Variants in HDX observed in about 807,000 individuals in gnomAD.
The protein encoded by HDX is highly divergent homeobox, also known as chromosome X open reading frame 43.
Under a neutral mutation model 45.2 loss-of-function variants are expected in HDX, and 19 were observed. The ratio of observed to expected loss-of-function variants is 0.42; its 90% CI spans 0.29 to 0.62. The LOEUF (loss-of-function observed/expected upper bound fraction) is 0.62, where lower values mean the gene tolerates loss of function less well. HDX is among the 20% of genes least tolerant of loss of function. The probability of loss-of-function intolerance (pLI) is 0.20; values close to 1 mark genes in which losing one functional copy is unlikely to be tolerated. For synonymous variants in HDX, 188 were observed against 172.8 expected, an observed-to-expected ratio of 1.09 and a Z score of -0.69; for missense variants, 532 against 493.9, an observed-to-expected ratio of 1.08 and a Z score of -0.73.
chrX:84,442,809 C>A (rs1228315664), intron 4 of HDX, among the ~76,000 whole-genome samples: 1 of 110,571 alleles, frequency 9.0e-6, no homozygotes, highest in Non-Finnish European at 1.9e-5. Flanking sequence ...TATAGAATTT[C>A]TAGAAAATAT....
chrX:84,458,178 T>C (rs1012809515), intron 4 of HDX, among the ~76,000 whole-genome samples: 1 of 111,508 alleles, frequency 9.0e-6, no homozygotes, highest in African/African-American at 3.3e-5. Flanking sequence ...ATCAATTTAA[T>C]AATAAGGGGT....
chrX:84,322,902 A>G (rs1362368150), intron 10 of HDX, among the ~76,000 whole-genome samples: 1 of 111,159 alleles, frequency 9.0e-6, no homozygotes, highest in Non-Finnish European at 1.9e-5. Flanking sequence ...TATTACTTGT[A>G]ATGTGGGCTT....
At chrX:84,407,837 G>C (rs2038871112) in intron 5 of HDX, among the ~76,000 whole-genome samples, 1 of 111,586 alleles carries the variant, frequency 9.0e-6, no homozygotes, top group African/African-American at 3.3e-5. Context: ...CCGCGTGTCT[G>C]TATTCTTTTG....
chrX:84,451,986 A>G (rs2040008534), intron 4 of HDX, among the ~76,000 whole-genome samples: 1 of 111,555 alleles, frequency 9.0e-6, no homozygotes, highest in African/African-American at 3.3e-5. Flanking sequence ...TTCATGAGAA[A>G]AACAACATAG....
chrX:84,452,163 C>A (rs2040011547), intron 4 of HDX, among the ~76,000 whole-genome samples: 1 of 110,811 alleles, frequency 9.0e-6, no homozygotes, highest in Non-Finnish European at 1.9e-5. Context: ...AAGTCCCATC[C>A]AGAGTAATCA....
At chrX:84,459,707 G>A (rs2040195688) in intron 4 of HDX, among the ~76,000 whole-genome samples, 1 of 110,155 alleles carries the variant, frequency 9.1e-6, no homozygotes, top group Admixed American at 9.6e-5. Context: ...CAGAAATCAA[G>A]GAAATTGAAA....
chrX:84,340,784 T>C (rs780561924), intron 7 of HDX, among the ~76,000 whole-genome samples: 2 of 111,416 alleles, frequency 1.8e-5, no homozygotes, highest in Non-Finnish European at 3.8e-5. Flanking sequence ...AAGGTTACCA[T>C]GCAGCTGTGG....
intron 10 of HDX, 93 bp from the exon 11 acceptor site, chrX:84,322,107 C>T: frequency 5.7e-6 from 3 of 522,274 alleles, no homozygotes; most frequent in Non-Finnish European, 8.6e-6. Flanking sequence ...GGTGAATTAT[C>T]CTTATGGATT....
intron 4 of HDX, among the ~76,000 whole-genome samples, chrX:84,466,728 A>T (rs1046142379): frequency 4.5e-5 from 5 of 112,043 alleles, no homozygotes; most frequent in African/African-American, 1.6e-4. Context: ...CCAGTAAGTC[A>T]AATACAGTTG....
intron 5 of HDX, among the ~76,000 whole-genome samples, chrX:84,397,815 T>C (rs1412492873): frequency 8.9e-6 from 1 of 111,881 alleles, no homozygotes; most frequent in Non-Finnish European, 1.9e-5. Context: ...CAATAAGGCA[T>C]TCAAGTGAAG....
chrX:84,472,648 AT>A (rs1179372031), intron 3 of HDX, among the ~76,000 whole-genome samples: 1 of 111,450 alleles, frequency 9.0e-6, no homozygotes, highest in East Asian at 2.8e-4. Flanking sequence ...AAGGAAAAAA[AT>A]AATTCCATAT....
chrX:84,446,672 A>T (rs1379154089), intron 4 of HDX, among the ~76,000 whole-genome samples: 1 of 112,104 alleles, frequency 8.9e-6, no homozygotes, highest in Non-Finnish European at 1.9e-5. Context: ...CTCCCATGTA[A>T]ATATTAAATA....
chrX:84,433,851 T>A (rs961428597), intron 5 of HDX, among the ~76,000 whole-genome samples: 2 of 111,708 alleles, frequency 1.8e-5, no homozygotes, highest in Admixed American at 1.9e-4. Context: ...TTGTGTATCC[T>A]TCAATTCCTT....
chrX:84,481,713 T>A (rs775592567), intron 2 of HDX, among the ~76,000 whole-genome samples: 1 of 111,192 alleles, frequency 9.0e-6, no homozygotes, highest in East Asian at 2.8e-4. Context: ...TTATTTTTTA[T>A]CTTTACTTTT....
chrX:84,481,792 C>G (rs768688481), intron 2 of HDX, among the ~76,000 whole-genome samples: 1 of 110,829 alleles, frequency 9.0e-6, no homozygotes, highest in Non-Finnish European at 1.9e-5. Flanking sequence ...CTGGGGTTTG[C>G]GCTTCTAGTG....
chrX:84,346,428 T>G (rs1004405851), intron 6 of HDX, among the ~76,000 whole-genome samples: 4 of 111,591 alleles, frequency 3.6e-5, no homozygotes, highest in African/African-American at 6.5e-5. Context: ...GCTAAAACAG[T>G]ATCGAATAAA....
At chrX:84,401,122 C>T (rs762662359) in intron 5 of HDX, among the ~76,000 whole-genome samples, 7 of 111,880 alleles carry the variant, frequency 6.3e-5, no homozygotes, top group Non-Finnish European at 1.1e-4. Flanking sequence ...CTAGTCAATG[C>T]CATTCAAGAT....
chrX:84,484,078 C>A (rs183702174), intron 2 of HDX, among the ~76,000 whole-genome samples: 95 of 111,829 alleles, frequency 8.5e-4, no homozygotes, highest in Middle Eastern at 4.6e-3. Context: ...GTCTTCTGAG[C>A]CCTCCAAGTC....
chrX:84,402,422 C>G (rs967161538), intron 5 of HDX, among the ~76,000 whole-genome samples: 1 of 111,296 alleles, frequency 9.0e-6, no homozygotes, highest in Non-Finnish European at 1.9e-5. Flanking sequence ...TTACGTTTTA[C>G]CTACTGAACC....
Sources: allele counts gnomAD v4.1 joint callset (sites outside exome capture counted in the v4.1 genomes callset), GRCh38; gene constraint gnomAD v4.1.1; transcripts MANE v1.5; gene names NCBI Gene and HGNC (gene_info 2026-07-23, HGNC 2026-07-21).